Variants in DCUN1D2 observed in about 807,000 individuals in gnomAD.
DCUN1D2 encodes DCN1-like protein 2.
Under a neutral mutation model 30.9 loss-of-function variants are expected in DCUN1D2, and 29 were observed. The ratio of observed to expected loss-of-function variants is 0.94; its 90% CI spans 0.70 to 1.28. The LOEUF is 1.28. Among genes scored for constraint, DCUN1D2 ranks in the 50% most tolerant of loss-of-function variants. DCUN1D2 has a pLI of 0.00. For synonymous variants in DCUN1D2, 121 were observed against 115.3 expected, an observed-to-expected ratio of 1.05 and a Z score of -0.32; for missense variants, 325 against 316.9, an observed-to-expected ratio of 1.03 and a Z score of -0.19.
chr13:113,491,295 C>G (rs2045010499), upstream of DCUN1D2: 1 of 152,738 alleles, frequency 6.5e-6, no homozygotes, highest in Admixed American at 6.5e-5. Context: ...GCCCGTCCAT[C>G]CGGGGCTCTT....
intron 3 of DCUN1D2, chr13:113,475,447 G>C (rs1285232241): frequency 6.6e-6 from 1 of 152,276 alleles, no homozygotes; most frequent in Non-Finnish European, 1.5e-5. Flanking sequence ...GTAGTGGGCT[G>C]TAGCATCTCG....
At chr13:113,471,948 A>G (rs1476359095) in intron 4 of DCUN1D2, among the ~76,000 whole-genome samples, 1 of 152,162 alleles carries the variant, frequency 6.6e-6, no homozygotes, top group Admixed American at 6.5e-5. Flanking sequence ...ACCCACAACG[A>G]CAGGGGAGGC....
In DCUN1D2 at chr13:113,488,327, A is replaced by G. The variant is rs532305845; in HGVS notation, c.3+2340T>C. Among the ~76,000 whole-genome samples, 1 of 152,376 alleles carries G rather than the reference A, an allele frequency of 6.6e-6. No individual in the cohort carries two copies. Among genetic ancestry groups the G allele is most frequent in the East Asian group, 1.9e-4 (1 of 5,182 alleles). Reference sequence around the variant, plus strand: ...AAGCTTTGGGGTCTAGGCTTAGTCCATTAACAGGCCTCTGGTCAGTCAACA... The same window carrying G: ...AAGCTTTGGGGTCTAGGCTTAGTCCGTTAACAGGCCTCTGGTCAGTCAACA... On this transcript the variant is annotated intron_variant, in intron 1 of 6. Transcript: ENST00000478244. The surrounding 1 kb of genome is among the most constrained non-coding windows in gnomAD (Gnocchi z 4.3).
rs1391272471 is a variant in DCUN1D2 at position 113,457,350 on chromosome 13, G to C, written c.*679C>G. 1.3e-5 allele frequency: 2 copies of C among 152,222 alleles called. No individual in the cohort carries two copies. The allele number at this position is 152,222 out of a possible 1,614,324, so 9.4% of individuals were successfully genotyped here. On this transcript the variant is annotated 3_prime_UTR_variant, in exon 7 of 7. Transcript: ENST00000478244. Reference sequence around the variant, plus strand: ...GCCCAGTGATATATAAACGGTGTGAGATAAACTCTGCTGGAATCGTGCCAC... The same window carrying C: ...GCCCAGTGATATATAAACGGTGTGACATAAACTCTGCTGGAATCGTGCCAC...
intron 4 of DCUN1D2, among the ~76,000 whole-genome samples, chr13:113,470,310 C>T (rs1024033960): frequency 1.3e-4 from 20 of 152,182 alleles, no homozygotes; most frequent in African/African-American, 4.3e-4. Flanking sequence ...TGCAAACATG[C>T]GCCCTGTGAT....
In DCUN1D2 at chr13:113,456,538, GCA is replaced by G. The variant is rs2044229070; in HGVS notation, c.*1489_*1490del. On this transcript the variant is annotated 3_prime_UTR_variant, in exon 7 of 7. Transcript: ENST00000478244. The stretch of plus-strand genomic sequence containing the variant: ...AGCAGCTCCAGCTGGTCCACGTCCT[GCA>G]CAGTGCTGCAGGGGGGCAGCAAGGC... 5.0e-6 allele frequency: 2 copies of G among 396,870 alleles called. No individual in the cohort carries two copies. The highest frequency in any genetic ancestry group is 3.6e-5 in the East Asian group (1 of 27,982). The allele number at this position is 396,870 out of a possible 1,614,324, so 24.6% of individuals were successfully genotyped here.
At chr13:113,482,601 C>T (rs2044729727) in intron 2 of DCUN1D2, among the ~76,000 whole-genome samples, 1 of 152,078 alleles carries the variant, frequency 6.6e-6, no homozygotes, top group Non-Finnish European at 1.5e-5. Context: ...AAAAGAAAGA[C>T]TAAAGCACAC....
intron 4 of DCUN1D2, among the ~76,000 whole-genome samples, chr13:113,473,180 T>C (rs967810806): frequency 2.0e-5 from 3 of 151,022 alleles, no homozygotes; most frequent in African/African-American, 7.3e-5. Flanking sequence ...TCTCTATCCC[T>C]CTGTCCCGTG....
intron 2 of DCUN1D2, among the ~76,000 whole-genome samples, 153 bp from the exon 3 acceptor site, chr13:113,480,896 A>G (rs1346142134): frequency 6.6e-6 from 1 of 152,166 alleles, no homozygotes; most frequent in African/African-American, 2.4e-5. Flanking sequence ...TCTACTACAC[A>G]TGAAAGAAAT....
intron 3 of DCUN1D2, among the ~76,000 whole-genome samples, chr13:113,476,951 C>G (rs2044627681): frequency 6.6e-6 from 1 of 152,196 alleles, no homozygotes; most frequent in Non-Finnish European, 1.5e-5. Context: ...AGAAGTCCCC[C>G]CATACACGGA....
chr13:113,468,601 A>T (rs538344664), intron 4 of DCUN1D2, among the ~76,000 whole-genome samples: 1 of 152,176 alleles, frequency 6.6e-6, no homozygotes, highest in South Asian at 2.1e-4. Context: ...GAGACGTGCC[A>T]CGCTCCATCA....
chr13:113,458,912 G>T (rs2044272097), intron 6 of DCUN1D2, among the ~76,000 whole-genome samples: 1 of 152,196 alleles, frequency 6.6e-6, no homozygotes, highest in Non-Finnish European at 1.5e-5. Flanking sequence ...AACACGGGGG[G>T]AGACAAGTAT....
intron 4 of DCUN1D2, among the ~76,000 whole-genome samples, chr13:113,468,508 T>A (rs1261518479): frequency 1.3e-5 from 2 of 152,206 alleles, no homozygotes; most frequent in Non-Finnish European, 2.9e-5. Flanking sequence ...AACCGTACAC[T>A]TAAAAACAGT....
rs2044842005 is a variant in DCUN1D2, at chr13:113,488,197, G to A, written c.3+2470C>T. 6.6e-6 allele frequency among the ~76,000 whole-genome samples: 1 copy of A among 152,200 alleles called. No homozygotes were observed. The highest frequency in any genetic ancestry group is 2.4e-5 in the African/African-American group (1 of 41,442). On this transcript the variant is annotated intron_variant, in intron 1 of 6. Coordinates refer to ENST00000478244, the MANE Select transcript of DCUN1D2 (RefSeq NM_001014283.2). The surrounding 1 kb of genome is among the most constrained non-coding windows in gnomAD (Gnocchi z 4.3). ...GACAGAAGTCGGTATCCAGAAACAC[G>A]AAGAGCCCCCTGCAATCTACTCAAA...
chr13:113,474,815 C>A (rs1188691049), intron 3 of DCUN1D2, among the ~76,000 whole-genome samples: 1 of 152,166 alleles, frequency 6.6e-6, no homozygotes, highest in African/African-American at 2.4e-5. Context: ...ACCTCTGTCC[C>A]ATCATACAAG....
intron 2 of DCUN1D2, among the ~76,000 whole-genome samples, chr13:113,481,787 G>A (rs2262208): frequency 0.39 from 58,943 of 150,954 alleles, 13,398 homozygotes; most frequent in African/African-American, 0.63. Context: ...GGGGGGCTGA[G>A]GCAGGAGAAT....
chr13:113,459,679 T>C (rs1036790854), intron 5 of DCUN1D2: 4 of 274,852 alleles, frequency 1.5e-5, no homozygotes, highest in African/African-American at 8.7e-5. Flanking sequence ...AAGGGCAGCA[T>C]TTTAATCTCG....
At chr13:113,460,470 G>A (rs939797889) in intron 5 of DCUN1D2, among the ~76,000 whole-genome samples, 51 of 152,234 alleles carry the variant, frequency 3.4e-4, no homozygotes, top group Admixed American at 3.2e-3. Flanking sequence ...ACCCACAGCT[G>A]CACCTGCTGC....
At chr13:113,480,818 A>G in intron 2 of DCUN1D2, 75 bp from the exon 3 acceptor site, 1 of 1,510,078 alleles carries the variant, frequency 6.6e-7, no homozygotes, top group Non-Finnish European at 9.2e-7. Context: ...TTTGAATCCT[A>G]GCATTCGATT....
Sources: allele counts gnomAD v4.1 joint callset (sites outside exome capture counted in the v4.1 genomes callset), GRCh38; gene constraint gnomAD v4.1.1; non-coding constraint Gnocchi (gnomAD v3.1); transcripts MANE v1.5; gene names NCBI Gene and HGNC (gene_info 2026-07-23, HGNC 2026-07-21).